Variants in ZNF770 observed in about 807,000 individuals in gnomAD.
The protein encoded by ZNF770 is zinc finger protein 770.
ZNF770 carries 13 observed loss-of-function variants against 44.8 expected under a neutral mutation model. The observed-to-expected ratio is 0.29, with a 90% CI of 0.19 to 0.46. ZNF770 has a LOEUF of 0.46. Among genes scored for constraint, ZNF770 ranks in the 20% least tolerant of loss-of-function variants. The pLI, the probability that ZNF770 is intolerant of heterozygous loss-of-function variation, is 1.00. For synonymous variants in ZNF770, 304 were observed against 271.8 expected (o/e 1.12, Z -1.17); for missense variants, 681 against 797.9 (o/e 0.85, Z 1.77).
At position 34,979,021 on chromosome 15, in the gene ZNF770, A is replaced by G. The variant is rs893194697; in HGVS notation, c.*2338T>C. On this transcript the variant is annotated 3_prime_UTR_variant, in exon 3 of 3. Transcript: ENST00000356321. ...GGTTTAATCCACAGATGCAGAGTAC[A>G]TGGATACAGAGGGCCAACTGTTTTG... 6.6e-5 allele frequency: 10 copies of G among 152,654 alleles called. No homozygotes were observed. The highest frequency in any genetic ancestry group is 1.2e-4 in the Non-Finnish European group (8 of 68,042). The allele number at this position is 152,654 out of a possible 1,614,324, so 9.5% of individuals were successfully genotyped here.
In ZNF770 at chr15:34,978,557, T is replaced by C. The variant is rs574745337; in HGVS notation, c.*2802A>G. 1.3e-5 allele frequency: 2 copies of C among 152,300 alleles called. No individual in the cohort carries two copies. The highest frequency in any genetic ancestry group is 6.5e-5 in the Admixed American group (1 of 15,286). 9.4% of individuals were successfully genotyped at this position (152,300 alleles called of 1,614,324 possible). A position where few individuals can be genotyped will look rare whatever the true frequency, so the allele number is the denominator to read the frequency against. On this transcript the variant is annotated 3_prime_UTR_variant, in exon 3 of 3. Coordinates refer to ENST00000356321, the MANE Select transcript of ZNF770 (RefSeq NM_014106.4). ...CTGGAATCACTCAAACAAAAAATTC[T>C]TCTAGTTCTCTTTAAAGATATTTAT...
At chr15:34,984,395 C>T (rs923865151) in intron 2 of ZNF770, among the ~76,000 whole-genome samples, 12 of 152,280 alleles carry the variant, frequency 7.9e-5, no homozygotes, top group Non-Finnish European at 1.3e-4. Flanking sequence ...CCGTGGCTCA[C>T]GCCTGTAATC....
At position 34,979,764 on chromosome 15, in the gene ZNF770, T is replaced by C. The variant is rs1160613631; in HGVS notation, c.*1595A>G. 1 of 421,238 alleles carries C rather than the reference T, an allele frequency of 2.4e-6. No homozygotes were observed. The highest frequency in any genetic ancestry group is 2.8e-5 in the Admixed American group (1 of 36,224). 26.1% of individuals were successfully genotyped at this position (421,238 alleles called of 1,614,324 possible). On this transcript the variant is annotated 3_prime_UTR_variant, in exon 3 of 3. Transcript: ENST00000356321. Reference sequence around the variant, plus strand: ...TAGAGGATTTTCCACTATATTTAAGTATGGCAGGATAATTACCCACCTGTT... The same window carrying C: ...TAGAGGATTTTCCACTATATTTAAGCATGGCAGGATAATTACCCACCTGTT...
intron 2 of ZNF770, among the ~76,000 whole-genome samples, chr15:34,983,882 CAT>C (rs2050418391): frequency 6.6e-6 from 1 of 152,116 alleles, no homozygotes. Context: ...CAAATCAAAA[CAT>C]AATACTAAAA....
In ZNF770 at chr15:34,983,144, C is replaced by T. The variant is rs760396768; in HGVS notation, c.291G>A (p.Val97=). Residue 97 remains valine, a synonymous_variant, in exon 3 of 3, where the codon GTG becomes GTA. Coordinates refer to ENST00000356321, the MANE Select transcript of ZNF770 (RefSeq NM_014106.4). ...QRHFKNLKTF[V]KHQQLHNETY... ...TTTCATTGTGAAGTTGTTGGTGCTT[C>T]ACAAATGTCTTCAGATTTTTAAAGT... The T allele has an allele frequency of 2.5e-6, 4 of 1,613,936 alleles. No homozygotes were observed. The highest frequency in any genetic ancestry group is 2.5e-6 in the Non-Finnish European group (3 of 1,179,982).
At position 34,979,522 on chromosome 15, in the gene ZNF770, C is replaced by A; in HGVS notation, c.*1837G>T. ...TGTTTTTGCTGGATGTCTGTATCTA[C>A]ATAATAAACAGGCACACTTCTACAT... is the stretch of plus-strand genomic sequence containing the variant. On this transcript the variant is annotated 3_prime_UTR_variant, in exon 3 of 3. Transcript: ENST00000356321. 1 of 355,080 alleles carries A rather than the reference C, an allele frequency of 2.8e-6. No homozygotes were observed. Among genetic ancestry groups the A allele is most frequent in the South Asian group, 2.1e-5 (1 of 47,096 alleles). 22.0% of individuals were successfully genotyped at this position (355,080 alleles called of 1,614,324 possible).
In ZNF770 at chr15:34,979,293, C is replaced by G. The variant is rs1183553221; in HGVS notation, c.*2066G>C. On this transcript the variant is annotated 3_prime_UTR_variant, in exon 3 of 3. Coordinates refer to ENST00000356321, the MANE Select transcript of ZNF770 (RefSeq NM_014106.4). ...TTACATAAATTGCTTAGAAAAATGC[C>G]AAAATCAATAATTTCAAACATATTA... 1.9e-5 allele frequency: 3 copies of G among 157,852 alleles called. No individual in the cohort carries two copies. Among genetic ancestry groups the G allele is most frequent in the African/African-American group, 7.2e-5 (3 of 41,448 alleles). The allele number at this position is 157,852 out of a possible 1,614,324, so 9.8% of individuals were successfully genotyped here. A position where few individuals can be genotyped will look rare whatever the true frequency, so the allele number is the denominator to read the frequency against.
Position 34,978,936 on chromosome 15 carries a change from G to A in ZNF770, c.*2423C>T, listed in dbSNP as rs1286995130. 6.6e-6 allele frequency: 1 copy of A among 152,090 alleles called. No homozygotes were observed. The highest frequency in any genetic ancestry group is 2.4e-5 in the African/African-American group (1 of 41,378). The allele number at this position is 152,090 out of a possible 1,614,324, so 9.4% of individuals were successfully genotyped here. ...CAATGTAAATGCTATTTAAATAACT[G>A]TTATACTGTATTTTTATTTGTATTA... On this transcript the variant is annotated 3_prime_UTR_variant, in exon 3 of 3. Coordinates refer to ENST00000356321, the MANE Select transcript of ZNF770 (RefSeq NM_014106.4).
chr15:34,981,890 T>C lies in ZNF770; in HGVS notation c.1545A>G (p.Ser515=). ...TCTGTTCATGTCTTTTTAAGTGAGC[T>C]GACTGTCTAAAAGATTTCCCACAAA... ...CNICGKSFRQ[S]AHLKRHEQTH... is the part of the protein sequence containing the mutation. The change falls in exon 3 of 3, where the codon TCA becomes TCG. Residue 515 remains serine (S), a synonymous_variant. Coordinates refer to ENST00000356321, the MANE Select transcript of ZNF770 (RefSeq NM_014106.4). 1.2e-6 allele frequency: 2 copies of C among 1,614,002 alleles called. No individual in the cohort carries two copies. The highest frequency in any genetic ancestry group is 1.3e-5 in the African/African-American group (1 of 75,066).
In ZNF770 at chr15:34,979,964, C is replaced by A. The variant is rs1212658101; in HGVS notation, c.*1395G>T. On this transcript the variant is annotated 3_prime_UTR_variant, in exon 3 of 3. Coordinates refer to ENST00000356321, the MANE Select transcript of ZNF770 (RefSeq NM_014106.4). Reference sequence around the variant, plus strand: ...ACAGTTCTATTTGGAATGATACCCACAACTCTACAAGCATCTTATCCCTCT... The same window carrying A: ...ACAGTTCTATTTGGAATGATACCCAAAACTCTACAAGCATCTTATCCCTCT... 4.9e-6 allele frequency: 1 copy of A among 202,614 alleles called. No homozygotes were observed. Among genetic ancestry groups the A allele is most frequent in the Non-Finnish European group, 9.9e-6 (1 of 101,080 alleles). 12.6% of individuals were successfully genotyped at this position (202,614 alleles called of 1,614,324 possible).
Position 34,979,642 on chromosome 15 carries a change from AC to A in ZNF770, c.*1716del. On this transcript the variant is annotated 3_prime_UTR_variant, in exon 3 of 3. Transcript: ENST00000356321. ...CTGTGGTAAAAGAAGCAAGCAGATC[AC>A]CCCCACCTACTATCCCTCCCGCCTC... The A allele has an allele frequency of 2.2e-6, 1 of 450,938 alleles. No individual in the cohort carries two copies. The highest frequency in any genetic ancestry group is 4.4e-6 in the Non-Finnish European group (1 of 224,988). 27.9% of individuals were successfully genotyped at this position (450,938 alleles called of 1,614,324 possible).
In ZNF770 at chr15:34,980,762, T is replaced by G. The variant is rs895634258; in HGVS notation, c.*597A>C. 6.6e-6 allele frequency: 1 copy of G among 150,722 alleles called. No individual in the cohort carries two copies. The highest frequency in any genetic ancestry group is 1.5e-5 in the Non-Finnish European group (1 of 67,944). The allele number at this position is 150,722 out of a possible 1,614,324, so 9.3% of individuals were successfully genotyped here. A position where few individuals can be genotyped will look rare whatever the true frequency, so the allele number is the denominator to read the frequency against. On this transcript the variant is annotated 3_prime_UTR_variant, in exon 3 of 3. Coordinates refer to ENST00000356321, the MANE Select transcript of ZNF770 (RefSeq NM_014106.4). ...ACTGCACTCTAGCCTGGCGAAAGAGTGAGACTCCATCTCAAAAAAAAAGAC... is the reference window on the plus strand; with the variant it reads ...ACTGCACTCTAGCCTGGCGAAAGAGGGAGACTCCATCTCAAAAAAAAAGAC...
At position 34,979,505 on chromosome 15, in the gene ZNF770, C is replaced by A; in HGVS notation, c.*1854G>T. ...AAAGCATGTGATTCTCCTGTTTTTG[C>A]TGGATGTCTGTATCTACATAATAAA... is the stretch of plus-strand genomic sequence containing the variant. On this transcript the variant is annotated 3_prime_UTR_variant, in exon 3 of 3. Coordinates refer to ENST00000356321, the MANE Select transcript of ZNF770 (RefSeq NM_014106.4). The A allele has an allele frequency of 6.6e-6, 2 of 301,188 alleles. No homozygotes were observed. Among genetic ancestry groups the A allele is most frequent in the African/African-American group, 2.3e-5 (1 of 44,044 alleles). The allele number at this position is 301,188 out of a possible 1,614,324, so 18.7% of individuals were successfully genotyped here. A position where few individuals can be genotyped will look rare whatever the true frequency, so the allele number is the denominator to read the frequency against.
intron 2 of ZNF770, among the ~76,000 whole-genome samples, chr15:34,987,040 G>T (rs1021331031): frequency 1.3e-5 from 2 of 152,234 alleles, no homozygotes; most frequent in Non-Finnish European, 1.5e-5. Context: ...GATCACACAG[G>T]ATTTTGGTAT....
Position 34,983,452 on chromosome 15 carries a change from T to A in ZNF770, c.-18A>T. 2 of 1,519,896 alleles carry A rather than the reference T, an allele frequency of 1.3e-6. No individual in the cohort carries two copies. Among genetic ancestry groups the A allele is most frequent in the South Asian group, 2.7e-5 (2 of 74,454 alleles). 94.2% of individuals were successfully genotyped at this position (1,519,896 alleles called of 1,614,324 possible). A position where few individuals can be genotyped will look rare whatever the true frequency, so the allele number is the denominator to read the frequency against. ...GCCATCATATTCTTCAATGATATAC[T>A]CTGATGAGCTCCATACTGTTCTTAA... On this transcript the variant is annotated 5_prime_UTR_variant, in exon 3 of 3. Coordinates refer to ENST00000356321, the MANE Select transcript of ZNF770 (RefSeq NM_014106.4).
rs2050399629 is a variant in ZNF770 at position 34,981,304 on chromosome 15, A to G, written c.*55T>C. The G allele has an allele frequency of 1.3e-6, 2 of 1,489,646 alleles. No individual in the cohort carries two copies. The highest frequency in any genetic ancestry group is 8.9e-7 in the Non-Finnish European group (1 of 1,123,466). The allele number at this position is 1,489,646 out of a possible 1,614,324, so 92.3% of individuals were successfully genotyped here. A position where few individuals can be genotyped will look rare whatever the true frequency, so the allele number is the denominator to read the frequency against. The stretch of plus-strand genomic sequence containing the variant: ...TCAATAAAAATGCATTTTAAATAAT[A>G]CAGGCTTTAAAAATAAGATCACCAG... On this transcript the variant is annotated 3_prime_UTR_variant, in exon 3 of 3. Transcript: ENST00000356321.
Position 34,979,759 on chromosome 15 carries a change from T to G in ZNF770, c.*1600A>C, listed in dbSNP as rs1363665742. The G allele has an allele frequency of 2.3e-6, 1 of 427,006 alleles. No individual in the cohort carries two copies. Among genetic ancestry groups the G allele is most frequent in the Admixed American group, 2.7e-5 (1 of 37,006 alleles). 26.5% of individuals were successfully genotyped at this position (427,006 alleles called of 1,614,324 possible). On this transcript the variant is annotated 3_prime_UTR_variant, in exon 3 of 3. Coordinates refer to ENST00000356321, the MANE Select transcript of ZNF770 (RefSeq NM_014106.4). Reference sequence around the variant, plus strand: ...CTCAATAGAGGATTTTCCACTATATTTAAGTATGGCAGGATAATTACCCAC... The same window carrying G: ...CTCAATAGAGGATTTTCCACTATATGTAAGTATGGCAGGATAATTACCCAC...
At chr15:34,987,190 A>C (rs1209807797) in intron 2 of ZNF770, among the ~76,000 whole-genome samples, 1 of 152,260 alleles carries the variant, frequency 6.6e-6, no homozygotes, top group Admixed American at 6.5e-5. Flanking sequence ...CTCCTGTACC[A>C]AAAAGGAGCT....
Position 34,979,194 on chromosome 15 carries a change from A to T in ZNF770, c.*2165T>A, listed in dbSNP as rs1419476585. ...CGCAAATAAAGTCTCAGAATCATAC[A>T]AGCACAACACTGTTAGGACTCTCCC... On this transcript the variant is annotated 3_prime_UTR_variant, in exon 3 of 3. Transcript: ENST00000356321. The T allele has an allele frequency of 1.3e-5, 2 of 153,584 alleles. No individual in the cohort carries two copies. The highest frequency in any genetic ancestry group is 6.5e-5 in the Admixed American group (1 of 15,292). The allele number at this position is 153,584 out of a possible 1,614,324, so 9.5% of individuals were successfully genotyped here.
Sources: allele counts gnomAD v4.1 joint callset (sites outside exome capture counted in the v4.1 genomes callset), GRCh38; gene constraint gnomAD v4.1.1; transcripts MANE v1.5; gene names NCBI Gene and HGNC (gene_info 2026-07-23, HGNC 2026-07-21).